ASPH: variants seen among roughly 807,000 people sequenced by gnomAD.
ASPH encodes aspartyl/asparaginyl beta-hydroxylase.
A neutral mutation model predicts 118.4 loss-of-function variants in ASPH; 100 were observed. The observed-to-expected ratio is 0.84, with a 90% CI of 0.72 to 1.00. The LOEUF (loss-of-function observed/expected upper bound fraction) is 1.00. Among genes scored for constraint, ASPH ranks in the 50% least tolerant of loss-of-function variants. ASPH has a pLI of 0.00. For synonymous variants in ASPH, 315 were observed against 325.6 expected, an observed-to-expected ratio of 0.97 and a Z score of 0.35; for missense variants, 920 against 919.5, an observed-to-expected ratio of 1.00 and a Z score of -0.01.
At chr8:61,643,505 T>C (rs948556322) in intron 8 of ASPH, 72 bp from the exon 9 acceptor site, 1 of 1,405,774 alleles carries the variant, frequency 7.1e-7, no homozygotes, top group Admixed American at 1.9e-5. Flanking sequence ...TTCTAGGAGA[T>C]TCATAAATTA....
At chr8:61,568,425 T>G (rs1832475341) in intron 16 of ASPH, among the ~76,000 whole-genome samples, 1 of 152,130 alleles carries the variant, frequency 6.6e-6, no homozygotes, top group Non-Finnish European at 1.5e-5. Flanking sequence ...TGGGCTTCAG[T>G]GATTACTGGA....
intron 13 of ASPH, among the ~76,000 whole-genome samples, chr8:61,629,000 C>T (rs1339254282): frequency 6.6e-6 from 1 of 152,116 alleles, no homozygotes; most frequent in African/African-American, 2.4e-5. Context: ...GTGTTGCTAG[C>T]CTAAATCTGG....
At chr8:61,675,613 T>C (rs1212968007) in intron 3 of ASPH, 2 of 978,328 alleles carry the variant, frequency 2.0e-6, no homozygotes, top group African/African-American at 3.5e-5. Context: ...ACATCAGTCA[T>C]GTTAAAGAAC....
At chr8:61,680,544 C>T (rs573910615) in intron 3 of ASPH, 1 of 152,094 alleles carries the variant, frequency 6.6e-6, no homozygotes, top group African/African-American at 2.4e-5. Context: ...TTTATTATCA[C>T]TTTTATTTCA....
chr8:61,594,801 AG>A (rs1842094096), intron 14 of ASPH, among the ~76,000 whole-genome samples: 1 of 152,210 alleles, frequency 6.6e-6, no homozygotes, highest in South Asian at 2.1e-4. Flanking sequence ...TACTATTCAT[AG>A]TTTTAGGTAT....
At position 61,554,813 on chromosome 8, in the gene ASPH, A is replaced by G. The variant is rs374912050; in HGVS notation, c.1536+1111T>C. 5.7e-4 allele frequency among the ~76,000 whole-genome samples: 87 copies of G among 152,302 alleles called. 1 individual carries two copies. In the Middle Eastern group the frequency reaches 0.027, roughly 48 times the overall value. ...AGGGCAGTAATGCATTCACAGCTCA[A>G]TGCAGCCTCGACCTCCTGGGCCTGA... is the stretch of plus-strand genomic sequence containing the variant. On this transcript the variant is annotated intron_variant, in intron 19 of 24. Transcript: ENST00000379454.
chr8:61,653,537 G>A (rs1256816346), intron 4 of ASPH, 31 bp downstream of exon 4: 2 of 1,605,826 alleles, frequency 1.2e-6, no homozygotes, highest in East Asian at 4.5e-5. Flanking sequence ...TGGCACACCT[G>A]GGCGAGACTC....
At chr8:61,539,699 GGTGTGTGT>G (rs10522481) in intron 21 of ASPH, among the ~76,000 whole-genome samples, 21,442 of 124,218 alleles carry the variant, frequency 0.17, 1,923 homozygotes, top group East Asian at 0.43. Flanking sequence ...ACACTTCTGG[GGTGTGTGT>G]GTGTGTGTGT....
chr8:61,550,438 T>TACAACACACACACAC (rs1208727854), intron 20 of ASPH, among the ~76,000 whole-genome samples: 2 of 71,530 alleles, frequency 2.8e-5, no homozygotes, highest in African/African-American at 9.5e-5. Flanking sequence ...TATGCACATG[T>TACAACACACACACAC]ACATACACAC....
At chr8:61,662,957 A>G in intron 3 of ASPH, 1 of 985,436 alleles carries the variant, frequency 1.0e-6, no homozygotes, top group Non-Finnish European at 1.2e-6. Flanking sequence ...TTGAACTTAA[A>G]AACTAAGGTA....
intron 3 of ASPH, chr8:61,675,754 G>A: frequency 1.8e-6 from 2 of 1,104,174 alleles, no homozygotes; most frequent in Non-Finnish European, 2.2e-6. Flanking sequence ...GCTGTTAAGT[G>A]TCCAAATTTA....
intron 24 of ASPH, among the ~76,000 whole-genome samples, chr8:61,513,218 T>G (rs1265280142): frequency 2.0e-5 from 3 of 152,252 alleles, no homozygotes; most frequent in African/African-American, 7.2e-5. Flanking sequence ...ACTGATTTCT[T>G]GGCATGTGTG....
chr8:61,676,164 TTTCTTC>T (rs573164897), intron 3 of ASPH: 29 of 1,599,178 alleles, frequency 1.8e-5, no homozygotes, highest in Non-Finnish European at 2.1e-5. Flanking sequence ...GCGGTTTCGC[TTTCTTC>T]TTCTTCTTCT....
chr8:61,685,351 G>A (rs1367002429), intron 1 of ASPH, among the ~76,000 whole-genome samples: 1 of 152,144 alleles, frequency 6.6e-6, no homozygotes, highest in East Asian at 1.9e-4. Flanking sequence ...ACAGGAAGAA[G>A]GACAGGAATA....
At chr8:61,689,345 C>A (rs1466784564) in intron 1 of ASPH, among the ~76,000 whole-genome samples, 1 of 151,954 alleles carries the variant, frequency 6.6e-6, no homozygotes, top group African/African-American at 2.4e-5. Flanking sequence ...ATAGATAATT[C>A]TTTAAATTCA....
intron 1 of ASPH, among the ~76,000 whole-genome samples, chr8:61,688,690 A>G (rs905861852): frequency 1.4e-4 from 22 of 152,222 alleles, no homozygotes; most frequent in African/African-American, 5.3e-4. Context: ...TTATTTTTCC[A>G]TGCTATAAAA....
At chr8:61,610,264 TGGTGAAAACA>T (rs1236598742) in intron 14 of ASPH, among the ~76,000 whole-genome samples, 1 of 152,248 alleles carries the variant, frequency 6.6e-6, no homozygotes, top group Non-Finnish European at 1.5e-5. Flanking sequence ...AGATGCACTC[TGGTGAAAACA>T]GGTGTCCTAA....
At chr8:61,571,868 G>C (rs147644892) in intron 16 of ASPH, among the ~76,000 whole-genome samples, 1 of 152,064 alleles carries the variant, frequency 6.6e-6, no homozygotes, top group Non-Finnish European at 1.5e-5. Flanking sequence ...TATTTGAATA[G>C]GCATGATCTT....
At chr8:61,576,975 G>A in intron 15 of ASPH, 117 bp from the exon 16 acceptor site, 1 of 839,186 alleles carries the variant, frequency 1.2e-6, no homozygotes, top group Non-Finnish European at 1.7e-6. Context: ...CATCCTGAGT[G>A]TAAAGATAGT....
Sources: gnomAD v4.1 joint callset for allele counts (sites outside exome capture counted in the v4.1 genomes callset) on GRCh38, gnomAD v4.1.1 for gene constraint, MANE v1.5 for transcripts, NCBI Gene and HGNC (gene_info 2026-07-23, HGNC 2026-07-21) for gene names.